PIWIL2: variants seen among roughly 807,000 people sequenced by gnomAD.
PIWIL2 encodes piwi like RNA-mediated gene silencing 2, also known as piwi-like protein 2.
PIWIL2 carries 81 observed loss-of-function variants against 116.5 expected under a neutral mutation model. The observed-to-expected ratio is 0.70, with a 90% CI of 0.58 to 0.84. PIWIL2 has a LOEUF of 0.84. Ranked by LOEUF, PIWIL2 falls within the 40% of genes least tolerant of loss-of-function variation. The pLI is 0.00. For missense variants in PIWIL2, 1,272 were observed against 1,212.3 expected (o/e 1.05, Z -0.73); for synonymous variants, 489 against 429.5 (o/e 1.14, Z -1.71).
At chr8:22,277,993 A>G (rs1586525634) in intron 1 of PIWIL2, among the ~76,000 whole-genome samples, 1 of 151,616 alleles carries the variant, frequency 6.6e-6, no homozygotes. Context: ...ACATAGAGAA[A>G]CCCCGTCTCT....
In PIWIL2 at chr8:22,307,828, C is replaced by G. The variant is rs76268852; in HGVS notation, c.1546-105C>G. ...CCTTGAAGATGTTTGAAAATTTCTG[C>G]TGATTTCAATGGGAAAGAGAAACAT... On this transcript the variant is annotated intron_variant, in intron 13 of 22. Coordinates refer to ENST00000356766, the MANE Select transcript of PIWIL2 (RefSeq NM_018068.5). The G allele has an allele frequency of 1.6e-3, 1,256 of 803,692 alleles. 31 individuals are homozygous for G. The East Asian group carries it at 0.027, about 17-fold the overall frequency. The allele number at this position is 803,692 out of a possible 1,614,324, so 49.8% of individuals were successfully genotyped here.
At chr8:22,315,465 C>T (rs907950336) in intron 18 of PIWIL2, among the ~76,000 whole-genome samples, 6 of 151,434 alleles carry the variant, frequency 4.0e-5, no homozygotes, top group Non-Finnish European at 7.4e-5. Flanking sequence ...TACAGGTGCC[C>T]GCCACCATAC....
chr8:22,290,198 G>GA, intron 9 of PIWIL2, 35 bp from the exon 10 acceptor site: 1 of 1,340,046 alleles, frequency 7.5e-7, no homozygotes, highest in Middle Eastern at 1.8e-4. Flanking sequence ...TGTGTTCTTT[G>GA]AAAATCCTAC....
chr8:22,326,860 G>C (rs1452668206), intron 20 of PIWIL2, among the ~76,000 whole-genome samples: 1 of 151,986 alleles, frequency 6.6e-6, no homozygotes, highest in Admixed American at 6.6e-5. Flanking sequence ...ATATACCTAG[G>C]AGTGAAATTA....
At chr8:22,291,516 T>G (rs1233697864) in intron 10 of PIWIL2, among the ~76,000 whole-genome samples, 1 of 152,190 alleles carries the variant, frequency 6.6e-6, no homozygotes, top group Admixed American at 6.6e-5. Flanking sequence ...ACATCTGATT[T>G]TTTTAGGCCA....
chr8:22,296,193 C>A (rs1830902293), intron 10 of PIWIL2, among the ~76,000 whole-genome samples: 1 of 152,028 alleles, frequency 6.6e-6, no homozygotes, highest in Non-Finnish European at 1.5e-5. Flanking sequence ...GTAGCTGGGA[C>A]TACAGGCGTG....
At chr8:22,313,589 C>A (rs1460362876) in intron 16 of PIWIL2, among the ~76,000 whole-genome samples, 1 of 152,200 alleles carries the variant, frequency 6.6e-6, no homozygotes, top group Non-Finnish European at 1.5e-5. Flanking sequence ...GTCCTCTGAA[C>A]AGTCTTAACA....
chr8:22,351,791 G>A (rs1181770741), intron 20 of PIWIL2, among the ~76,000 whole-genome samples: 1 of 151,416 alleles, frequency 6.6e-6, no homozygotes, highest in Non-Finnish European at 1.5e-5. Flanking sequence ...CACCCACCTC[G>A]GCCTCTGAGA....
intron 19 of PIWIL2, among the ~76,000 whole-genome samples, chr8:22,316,656 A>G (rs1338331894): frequency 1.3e-5 from 2 of 151,696 alleles, no homozygotes; most frequent in Non-Finnish European, 2.9e-5. Context: ...TAATTTTTGT[A>G]TTTTTAGTAG....
chr8:22,299,500 G>A (rs182058944), intron 10 of PIWIL2, among the ~76,000 whole-genome samples: 3 of 152,088 alleles, frequency 2.0e-5, no homozygotes, highest in African/African-American at 4.8e-5. Flanking sequence ...GAGCCACCGC[G>A]CCCAGTCAAT....
At position 22,311,231 on chromosome 8, in the gene PIWIL2, C is replaced by G. The variant is rs1476138525; in HGVS notation, c.1920C>G (p.Ala640=). The change falls in exon 16 of 23, where the codon GCC becomes GCG. Residue 640 remains alanine (A), a synonymous_variant. Transcript: ENST00000356766. ...TTGGCATGCGTATGAGCCCACCGGCCTGGGTTGAACTAAAGGATGACCGAA... is the reference window on the plus strand; with the variant it reads ...TTGGCATGCGTATGAGCCCACCGGCGTGGGTTGAACTAAAGGATGACCGAA... ...GPIGMRMSPP[A]WVELKDDRIE... The G allele has an allele frequency of 2.5e-6, 4 of 1,614,070 alleles. No homozygotes were observed. The highest frequency in any genetic ancestry group is 1.3e-5 in the African/African-American group (1 of 74,916).
At chr8:22,296,445 A>G (rs1035614490) in intron 10 of PIWIL2, among the ~76,000 whole-genome samples, 3 of 152,122 alleles carry the variant, frequency 2.0e-5, no homozygotes, top group African/African-American at 7.2e-5. Context: ...ATACTCCAGT[A>G]TTTTCCAGAA....
intron 4 of PIWIL2, 133 bp downstream of exon 4, chr8:22,281,648 C>T (rs540426955): frequency 6.9e-6 from 5 of 726,120 alleles, no homozygotes; most frequent in African/African-American, 1.9e-5. Flanking sequence ...ATGCATATTT[C>T]TCAAGAGTAG....
At chr8:22,296,128 T>A (rs1289484845) in intron 10 of PIWIL2, among the ~76,000 whole-genome samples, 3 of 148,750 alleles carry the variant, frequency 2.0e-5, no homozygotes, top group Non-Finnish European at 3.0e-5. Context: ...CGATCTCGGC[T>A]CACTGCAACT....
chr8:22,299,918 T>C (rs1037369573), intron 10 of PIWIL2, among the ~76,000 whole-genome samples: 2 of 152,232 alleles, frequency 1.3e-5, no homozygotes, highest in South Asian at 4.1e-4. Flanking sequence ...TCTTGTTCTT[T>C]TTTATTGTAT....
intron 10 of PIWIL2, among the ~76,000 whole-genome samples, chr8:22,294,150 C>T (rs1483643896): frequency 1.3e-5 from 2 of 151,222 alleles, no homozygotes; most frequent in Admixed American, 1.3e-4. Context: ...CCAGCCTGGC[C>T]AACATGGTGA....
intron 20 of PIWIL2, among the ~76,000 whole-genome samples, chr8:22,319,077 C>T (rs1831535651): frequency 6.6e-6 from 1 of 152,208 alleles, no homozygotes; most frequent in African/African-American, 2.4e-5. Context: ...AAGCAAGGTA[C>T]TGATTTCTGC....
intron 20 of PIWIL2, among the ~76,000 whole-genome samples, chr8:22,322,870 T>C (rs963178704): frequency 1.4e-4 from 21 of 152,284 alleles, no homozygotes; most frequent in Admixed American, 3.9e-4. Context: ...TTATCTCAGG[T>C]TGTGATTACT....
Position 22,315,164 on chromosome 8 carries a change from G to T in PIWIL2, c.2208+19G>T, listed in dbSNP as rs758793791. On this transcript the variant is annotated intron_variant, in intron 18 of 22. Transcript: ENST00000356766. Reference sequence around the variant, plus strand: ...TCCTCTGGTGAGTGATGCCGAGATGGTTCAGTTTGCCTCTCCAGAGAATCC... The same window carrying T: ...TCCTCTGGTGAGTGATGCCGAGATGTTTCAGTTTGCCTCTCCAGAGAATCC... 1 of 1,327,504 alleles carries T rather than the reference G, an allele frequency of 7.5e-7. No homozygotes were observed. Among genetic ancestry groups the T allele is most frequent in the Admixed American group, 1.7e-5 (1 of 59,494 alleles). 82.2% of individuals were successfully genotyped at this position (1,327,504 alleles called of 1,614,324 possible). A position where few individuals can be genotyped will look rare whatever the true frequency, so the allele number is the denominator to read the frequency against.
Sources: allele counts gnomAD v4.1 joint callset (sites outside exome capture counted in the v4.1 genomes callset), GRCh38; gene constraint gnomAD v4.1.1; transcripts MANE v1.5; gene names NCBI Gene and HGNC (gene_info 2026-07-23, HGNC 2026-07-21).